Variants in ZNF81 observed in about 807,000 individuals in gnomAD.
The protein encoded by ZNF81 is zinc finger protein 81 (HFZ20).
Under a neutral mutation model 32.3 loss-of-function variants are expected in ZNF81, and 5 were observed. The observed-to-expected ratio is 0.15, with a 90% CI of 0.08 to 0.33. The LOEUF (loss-of-function observed/expected upper bound fraction) is 0.33, where lower values mean the gene tolerates loss of function less well. Among genes scored for constraint, ZNF81 ranks in the 10% least tolerant of loss-of-function variants. ZNF81 has a pLI of 1.00. For missense variants in ZNF81, 379 were observed against 479.8 expected (o/e 0.79, Z 1.96); for synonymous variants, 163 against 166.8 (o/e 0.98, Z 0.17).
At chrX:47,900,645 T>G (rs1351751797) in intron 4 of ZNF81, among the ~76,000 whole-genome samples, 1 of 111,781 alleles carries the variant, frequency 8.9e-6, no homozygotes, top group Non-Finnish European at 1.9e-5. Context: ...ATGTTTATGG[T>G]AACATGGTAT....
At chrX:47,849,193 C>T (rs1569373376) in intron 2 of ZNF81, among the ~76,000 whole-genome samples, 2 of 111,486 alleles carry the variant, frequency 1.8e-5, no homozygotes. Context: ...ATAGTTATGT[C>T]TTAAAAACGT....
Position 47,846,317 on chromosome X carries a change from G to T in ZNF81, c.50G>T (p.Cys17Phe), listed in dbSNP as rs961035108. 1.3e-5 allele frequency: 16 copies of T among 1,207,320 alleles called. No individual in the cohort carries two copies. Among genetic ancestry groups the T allele is most frequent in the Admixed American group, 4.4e-5 (2 of 45,619 alleles). Residue 17 changes from cysteine to phenylalanine, a missense_variant, in exon 2 of 5, where the codon TGT (cysteine) becomes TTT (phenylalanine). By Grantham distance (205) the Cys-to-Phe change is radical. Transcript: ENST00000338637. ...APQPGEHGSA[C>F]EVSVSFEDVT... ...CAGCCAGGGGAACATGGCAGTGCCTGTGAGGTGAGGAGGAGGAAGAGGTGC... is the reference window on the plus strand; with the variant it reads ...CAGCCAGGGGAACATGGCAGTGCCTTTGAGGTGAGGAGGAGGAAGAGGTGC...
At chrX:47,905,242 C>A (rs1367352024) in intron 4 of ZNF81, among the ~76,000 whole-genome samples, 1 of 95,802 alleles carries the variant, frequency 1.0e-5, no homozygotes. Context: ...AAATCAACTC[C>A]AAAAAAAAAA....
chrX:47,877,437 C>T (rs182538150), intron 2 of ZNF81, among the ~76,000 whole-genome samples: 9 of 111,935 alleles, frequency 8.0e-5, no homozygotes, highest in South Asian at 7.5e-4. Context: ...AGTGAGAGAA[C>T]GCGGTGCCAT....
At chrX:47,886,664 A>G (rs2058643233) in intron 2 of ZNF81, among the ~76,000 whole-genome samples, 1 of 106,000 alleles carries the variant, frequency 9.4e-6, no homozygotes, top group South Asian at 4.4e-4. Flanking sequence ...CAGTGGCACA[A>G]TCATAGCTCA....
intron 1 of ZNF81, among the ~76,000 whole-genome samples, chrX:47,842,053 G>T (rs1556879848): frequency 9.0e-6 from 1 of 110,786 alleles, no homozygotes; most frequent in Non-Finnish European, 1.9e-5. Context: ...ATTTCCCTTG[G>T]GACTTCATCT....
intron 2 of ZNF81, among the ~76,000 whole-genome samples, chrX:47,866,718 G>A (rs1420035671): frequency 9.0e-6 from 1 of 111,537 alleles, no homozygotes; most frequent in Non-Finnish European, 1.9e-5. Context: ...CTCCCAGGGT[G>A]ACAGGGAGAT....
intron 2 of ZNF81, among the ~76,000 whole-genome samples, chrX:47,859,456 T>A (rs1356776495): frequency 8.9e-6 from 1 of 112,240 alleles, no homozygotes; most frequent in East Asian, 2.8e-4. Context: ...CATAATCCTT[T>A]CTTTGTTCCT....
At chrX:47,859,817 G>A (rs1026537059) in intron 2 of ZNF81, among the ~76,000 whole-genome samples, 10 of 111,550 alleles carry the variant, frequency 9.0e-5, no homozygotes, top group African/African-American at 3.3e-4. Context: ...AGGGTGACGT[G>A]AAGAGAGCCA....
At chrX:47,911,913 G>A (rs2058740615) in intron 4 of ZNF81, among the ~76,000 whole-genome samples, 1 of 110,826 alleles carries the variant, frequency 9.0e-6, no homozygotes, top group African/African-American at 3.3e-5. Context: ...TGGGGAAAGA[G>A]GACATGAATA....
rs782187604 is a variant in ZNF81 at position 47,844,548 on chromosome X, G to A, written c.-163-1557G>A. Reference sequence around the variant, plus strand: ...ATAATATTCCATTGTGTATATATGCGAAATTTTGTTTATCCATTCATCAAT... The same window carrying A: ...ATAATATTCCATTGTGTATATATGCAAAATTTTGTTTATCCATTCATCAAT... On this transcript the variant is annotated intron_variant, in intron 1 of 4. Coordinates refer to ENST00000338637, the MANE Select transcript of ZNF81 (RefSeq NM_007137.5). 9.8e-5 allele frequency among the ~76,000 whole-genome samples: 11 copies of A among 112,140 alleles called. No individual in the cohort carries two copies. The East Asian group carries it at 1.4e-3, about 14-fold the overall frequency.
Position 47,849,160 on chromosome X carries a change from CA to C in ZNF81, c.54+2840del, listed in dbSNP as rs1418806268. ...GTGTATACCCTCTCTTAAATATATA[CA>C]GGGGGGTGAAGTTAATGGGTCATAG... On this transcript the variant is annotated intron_variant, in intron 2 of 4. Coordinates refer to ENST00000338637, the MANE Select transcript of ZNF81 (RefSeq NM_007137.5). Among the ~76,000 whole-genome samples the C allele has an allele frequency of 2.7e-5, 3 of 111,776 alleles. No homozygotes were observed. The East Asian group carries it at 8.3e-4, about 31-fold the overall frequency.
At chrX:47,850,079 T>C (rs2058487568) in intron 2 of ZNF81, among the ~76,000 whole-genome samples, 1 of 111,807 alleles carries the variant, frequency 8.9e-6, no homozygotes, top group Admixed American at 9.5e-5. Context: ...CATCCGTACA[T>C]ATGTAGACCA....
At chrX:47,861,804 A>G (rs1235925807) in intron 2 of ZNF81, among the ~76,000 whole-genome samples, 9 of 112,358 alleles carry the variant, frequency 8.0e-5, no homozygotes, top group African/African-American at 2.3e-4. Flanking sequence ...TCCAGGTAAC[A>G]TGATGTATTA....
At chrX:47,850,943 A>C (rs2058493521) in intron 2 of ZNF81, among the ~76,000 whole-genome samples, 1 of 98,310 alleles carries the variant, frequency 1.0e-5, no homozygotes, top group African/African-American at 3.7e-5. Context: ...ACAACCCAAC[A>C]CCCCTATATC....
intron 2 of ZNF81, among the ~76,000 whole-genome samples, chrX:47,865,443 A>G (rs1165889873): frequency 8.9e-6 from 1 of 111,802 alleles, no homozygotes; most frequent in Non-Finnish European, 1.9e-5. Context: ...CAAAACCCAA[A>G]GGGCTCTTCT....
chrX:47,890,308 G>A (rs2058658145), intron 3 of ZNF81, among the ~76,000 whole-genome samples: 1 of 111,581 alleles, frequency 9.0e-6, no homozygotes, highest in African/African-American at 3.3e-5. Context: ...TGGGGCAGAG[G>A]TTTAGCACTG....
intron 1 of ZNF81, among the ~76,000 whole-genome samples, chrX:47,837,402 G>A (rs1300534369): frequency 8.9e-6 from 1 of 111,753 alleles, no homozygotes; most frequent in African/African-American, 3.3e-5. Context: ...TTATTTAGTC[G>A]TCAATTGTGT....
Position 47,915,473 on chromosome X carries a change from G to A in ZNF81, c.827G>A (p.Cys276Tyr). 2 of 1,211,448 alleles carry A rather than the reference G, an allele frequency of 1.7e-6. No individual in the cohort carries two copies. Among genetic ancestry groups the A allele is most frequent in the Middle Eastern group, 2.3e-4 (1 of 4,355 alleles). The change falls in exon 5 of 5, where the codon TGT becomes TAT. Residue 276 changes from cysteine to tyrosine, a missense_variant. By Grantham distance (194) the Cys-to-Tyr change is radical. Coordinates refer to ENST00000338637, the MANE Select transcript of ZNF81 (RefSeq NM_007137.5). ...KFPIGEKANT[C>Y]TEFGKIFTQR... ...CCCATTGGAGAGAAAGCAAACACATGTACTGAATTTGGGAAGATCTTCACC... is the reference window on the plus strand; with the variant it reads ...CCCATTGGAGAGAAAGCAAACACATATACTGAATTTGGGAAGATCTTCACC...
Sources: gnomAD v4.1 joint callset for allele counts (sites outside exome capture counted in the v4.1 genomes callset) on GRCh38, gnomAD v4.1.1 for gene constraint, MANE v1.5 for transcripts, NCBI Gene and HGNC (gene_info 2026-07-23, HGNC 2026-07-21) for gene names.